Variants in REPS1 observed in about 807,000 individuals in gnomAD.
REPS1 encodes ralBP1-associated Eps domain-containing protein 1.
REPS1 carries 39 observed loss-of-function variants against 100.9 expected under a neutral mutation model. The observed-to-expected ratio is 0.39, with a 90% CI of 0.30 to 0.50. The LOEUF is 0.50. Ranked by LOEUF, REPS1 falls within the 20% of genes least tolerant of loss-of-function variation. REPS1 has a pLI of 0.86. For synonymous variants in REPS1, 324 were observed against 340.3 expected (o/e 0.95, Z 0.53); for missense variants, 821 against 968.5 (o/e 0.85, Z 2.02).
At chr6:138,964,138 C>A (rs942227794) in intron 1 of REPS1, among the ~76,000 whole-genome samples, 3 of 152,160 alleles carry the variant, frequency 2.0e-5, no homozygotes, top group Non-Finnish European at 2.9e-5. Context: ...GCCTGCACAC[C>A]AAGACCACAT....
At chr6:138,942,110 G>A (rs1782299068) in intron 7 of REPS1, among the ~76,000 whole-genome samples, 2 of 152,248 alleles carry the variant, frequency 1.3e-5, no homozygotes, top group Admixed American at 1.3e-4. Flanking sequence ...CTCCCAAAGT[G>A]CTGGGATTAC....
chr6:138,977,887 T>G (rs1784687278), intron 1 of REPS1, among the ~76,000 whole-genome samples: 1 of 152,240 alleles, frequency 6.6e-6, no homozygotes, highest in African/African-American at 2.4e-5. Flanking sequence ...TTCCAGTTTC[T>G]CAACAATACA....
chr6:138,971,068 C>T (rs1471818379), intron 1 of REPS1, among the ~76,000 whole-genome samples: 1 of 152,170 alleles, frequency 6.6e-6, no homozygotes, highest in Non-Finnish European at 1.5e-5. Context: ...TTTGGATTCA[C>T]TCCAGAATCA....
rs1781390751 is a variant in REPS1 at position 138,930,040 on chromosome 6, T to G, written c.1194A>C (p.Pro398=). The G allele has an allele frequency of 1.2e-6, 2 of 1,613,652 alleles. No homozygotes were observed. The highest frequency in any genetic ancestry group is 1.7e-6 in the Non-Finnish European group (2 of 1,179,732). ...GTGATGGCATCGATGGTGACTTGCT[T>G]GGAGGAGCTTCAGCAGGAGAGCCTG... ...GYSGSPAEAP[P]SKSPSMPSLN... Residue 398 remains proline (P), a synonymous_variant, in exon 9 of 20, where the codon CCA becomes CCC. Transcript: ENST00000450536.
At chr6:138,910,255 C>T (rs1296997472) in intron 17 of REPS1, among the ~76,000 whole-genome samples, 1 of 152,272 alleles carries the variant, frequency 6.6e-6, no homozygotes, top group East Asian at 1.9e-4. Flanking sequence ...CCGGCTCCCA[C>T]TTTGCCTTCT....
At chr6:138,931,008 C>CT (rs1276261135) in intron 8 of REPS1, among the ~76,000 whole-genome samples, 1 of 152,164 alleles carries the variant, frequency 6.6e-6, no homozygotes, top group Non-Finnish European at 1.5e-5. Context: ...TCACTAAACT[C>CT]TCATTCCGAT....
chr6:138,943,841 T>G lies in REPS1; in HGVS notation c.916+12A>C, dbSNP rs753880773. 6.2e-7 allele frequency: 1 copy of G among 1,608,932 alleles called. No individual in the cohort carries two copies. The highest frequency in any genetic ancestry group is 1.1e-5 in the South Asian group (1 of 90,436). On this transcript the variant is annotated intron_variant, in intron 6 of 19. Coordinates refer to ENST00000450536, the MANE Select transcript of REPS1 (RefSeq NM_001286611.2). Reference sequence around the variant, plus strand: ...GTCCCATCTAGAAGAACTTCTGTTTTCAACAACTCACCTGGAATAAATCCG... The same window carrying G: ...GTCCCATCTAGAAGAACTTCTGTTTGCAACAACTCACCTGGAATAAATCCG...
chr6:138,939,476 G>GT (rs144595002), intron 8 of REPS1, among the ~76,000 whole-genome samples: 2,171 of 152,248 alleles, frequency 0.014, 33 homozygotes, highest in Middle Eastern at 0.082. Context: ...CAAAGAACTT[G>GT]TTTTTTATTT....
chr6:138,963,905 T>G (rs904994375), intron 1 of REPS1, among the ~76,000 whole-genome samples: 1 of 152,222 alleles, frequency 6.6e-6, no homozygotes, highest in Non-Finnish European at 1.5e-5. Context: ...ATAAGCCATG[T>G]ATATATTCCT....
At chr6:138,919,104 C>T (rs147377517) in intron 12 of REPS1, among the ~76,000 whole-genome samples, 2 of 152,262 alleles carry the variant, frequency 1.3e-5, no homozygotes, top group African/African-American at 4.8e-5. Context: ...TCTTTCTCTA[C>T]AAACCTACAG....
At chr6:138,962,432 T>TAAA (rs1783795261) in intron 1 of REPS1, among the ~76,000 whole-genome samples, 1 of 151,904 alleles carries the variant, frequency 6.6e-6, no homozygotes, top group Non-Finnish European at 1.5e-5. Flanking sequence ...ATATAATAGC[T>TAAA]TTATATAAGA....
intron 8 of REPS1, among the ~76,000 whole-genome samples, chr6:138,933,938 A>G (rs1037265281): frequency 6.6e-6 from 1 of 151,912 alleles, no homozygotes; most frequent in African/African-American, 2.4e-5. Flanking sequence ...GACGACGACA[A>G]CAACAACAAA....
intron 1 of REPS1, among the ~76,000 whole-genome samples, chr6:138,954,922 T>G (rs1783276022): frequency 6.6e-6 from 1 of 152,206 alleles, no homozygotes; most frequent in Non-Finnish European, 1.5e-5. Context: ...CACTGTACAT[T>G]ATTTTTTCAT....
intron 1 of REPS1, among the ~76,000 whole-genome samples, chr6:138,984,132 T>G (rs528681456): frequency 2.0e-5 from 3 of 149,650 alleles, no homozygotes; most frequent in East Asian, 2.0e-4. Flanking sequence ...TAGGCTGGAG[T>G]GCAGTGGCGC....
chr6:138,925,085 C>T (rs1352154705), intron 10 of REPS1, among the ~76,000 whole-genome samples: 1 of 152,096 alleles, frequency 6.6e-6, no homozygotes, highest in Non-Finnish European at 1.5e-5. Context: ...GTGGCTCACA[C>T]CTGTAATCCC....
chr6:138,919,155 C>T (rs1020831235), intron 12 of REPS1, among the ~76,000 whole-genome samples: 4 of 152,136 alleles, frequency 2.6e-5, no homozygotes, highest in Non-Finnish European at 4.4e-5. Flanking sequence ...AGGCCAAAAA[C>T]CATGAAACCA....
At chr6:138,966,247 G>C (rs1226559524) in intron 1 of REPS1, among the ~76,000 whole-genome samples, 1 of 152,104 alleles carries the variant, frequency 6.6e-6, no homozygotes, top group Admixed American at 6.6e-5. Context: ...ATAGAGTTAA[G>C]CATGATATAA....
chr6:138,910,465 C>A lies in REPS1; in HGVS notation c.2067+811G>T, dbSNP rs375998283. Among the ~76,000 whole-genome samples the A allele has an allele frequency of 3.9e-3, 596 of 152,154 alleles. 4 individuals carry two copies. The highest frequency in any genetic ancestry group is 0.014 in the African/African-American group (561 of 41,502). ...ACCTCCCAGGCTCAAGCGATCCCCCCACTTCAGCCTGCCAAGTAGCTGGGA... is the reference window on the plus strand; with the variant it reads ...ACCTCCCAGGCTCAAGCGATCCCCCAACTTCAGCCTGCCAAGTAGCTGGGA... On this transcript the variant is annotated intron_variant, in intron 17 of 19. Transcript: ENST00000450536.
intron 8 of REPS1, among the ~76,000 whole-genome samples, chr6:138,936,177 T>A (rs555800486): frequency 6.6e-6 from 1 of 152,194 alleles, no homozygotes; most frequent in Admixed American, 6.5e-5. Flanking sequence ...CACTTACTAA[T>A]CCGCTGAATT....
Sources: allele counts gnomAD v4.1 joint callset (sites outside exome capture counted in the v4.1 genomes callset), GRCh38; gene constraint gnomAD v4.1.1; transcripts MANE v1.5; gene names NCBI Gene and HGNC (gene_info 2026-07-23, HGNC 2026-07-21).